The following ATF1 variants were observed in gnomAD, a reference collection of about 807,000 sequenced individuals.
The protein encoded by ATF1 is activating transcription factor 1.
In ATF1, 16 loss-of-function variants were observed where a neutral mutation model predicts 34.7. The ratio of observed to expected loss-of-function variants is 0.46; its 90% confidence interval spans 0.31 to 0.70. ATF1 has a LOEUF of 0.70. Ranked by LOEUF, ATF1 falls within the 30% of genes least tolerant of loss-of-function variation. ATF1 has a pLI of 0.05. For synonymous variants in ATF1, 105 were observed against 113.1 expected (o/e 0.93, Z 0.46); for missense variants, 255 against 321.6 (o/e 0.79, Z 1.58).
At chr12:50,800,989 T>A (rs564603882) in intron 3 of ATF1, among the ~76,000 whole-genome samples, 86 of 152,160 alleles carry the variant, frequency 5.7e-4, no homozygotes, top group African/African-American at 2.0e-3. Flanking sequence ...TAATCCCAGC[T>A]ACTCGGGAGG....
chr12:50,791,081 G>T (rs183246289), intron 2 of ATF1, among the ~76,000 whole-genome samples: 26 of 152,248 alleles, frequency 1.7e-4, no homozygotes, highest in African/African-American at 6.0e-4. Context: ...AAAAGCCATT[G>T]GTCAAGAATT....
At chr12:50,783,886 G>A (rs1264276451) in intron 2 of ATF1, among the ~76,000 whole-genome samples, 1 of 142,100 alleles carries the variant, frequency 7.0e-6, no homozygotes, top group East Asian at 2.0e-4. Context: ...AAAAAAAAAT[G>A]GCTGGCCACG....
chr12:50,787,979 G>A (rs950305033), intron 2 of ATF1, among the ~76,000 whole-genome samples: 1 of 152,152 alleles, frequency 6.6e-6, no homozygotes, highest in Admixed American at 6.6e-5. Flanking sequence ...ATTACTGAGA[G>A]GTAAGTATTG....
At chr12:50,798,767 G>A (rs1167992206) in intron 3 of ATF1, among the ~76,000 whole-genome samples, 3 of 152,100 alleles carry the variant, frequency 2.0e-5, no homozygotes, top group Non-Finnish European at 4.4e-5. Context: ...CATAAACCAC[G>A]TAAGTGAGAA....
intron 1 of ATF1, 87 bp downstream of exon 1, chr12:50,764,394 TCG>T (rs1940571162): frequency 7.1e-6 from 1 of 140,690 alleles, no homozygotes; most frequent in Admixed American, 6.9e-5. Context: ...GCAGCGCGGG[TCG>T]CGCGCCTGGT....
chr12:50,814,264 C>A lies in ATF1; in HGVS notation c.512-16C>A. The A allele has an allele frequency of 2.5e-6, 4 of 1,614,042 alleles. No individual in the cohort carries two copies. The highest frequency in any genetic ancestry group is 3.4e-6 in the Non-Finnish European group (4 of 1,179,936). ...ACACTTACTAACTAACTCATTCACT[C>A]TTGTTTACCATCTAGCTGCATCAGG... On this transcript the variant is annotated splice_polypyrimidine_tract_variant and intron_variant, in intron 5 of 6. Transcript: ENST00000262053.
chr12:50,801,216 C>T (rs1402147439), intron 3 of ATF1, among the ~76,000 whole-genome samples: 1 of 151,960 alleles, frequency 6.6e-6, no homozygotes, highest in Non-Finnish European at 1.5e-5. Flanking sequence ...ATAAACAGTT[C>T]TAATATGGTG....
chr12:50,766,865 G>T (rs1176778667), intron 1 of ATF1, among the ~76,000 whole-genome samples: 2 of 151,958 alleles, frequency 1.3e-5, no homozygotes, highest in Non-Finnish European at 2.9e-5. Context: ...TATTACTCAG[G>T]GCAACCATCT....
At chr12:50,764,765 C>G (rs1109726) in intron 1 of ATF1, 38,891 of 152,316 alleles carry the variant, frequency 0.26, 5,549 homozygotes, top group Non-Finnish European at 0.32. Flanking sequence ...TCGGCGCTGG[C>G]GACCCTGAGG....
At chr12:50,770,475 T>C (rs550431388) in intron 1 of ATF1, among the ~76,000 whole-genome samples, 4 of 152,300 alleles carry the variant, frequency 2.6e-5, no homozygotes, top group South Asian at 2.1e-4. Context: ...ACCCAAGTTA[T>C]AGGTATTTAA....
Position 50,764,195 on chromosome 12 carries a change from A to C in ATF1, c.-119A>C, listed in dbSNP as rs1940564101. 2 of 150,920 alleles carry C rather than the reference A, an allele frequency of 1.3e-5. No individual in the cohort carries two copies. The highest frequency in any genetic ancestry group is 2.1e-4 in the South Asian group (1 of 4,732). 9.3% of individuals were successfully genotyped at this position (150,920 alleles called of 1,614,324 possible). On this transcript the variant is annotated 5_prime_UTR_variant, in exon 1 of 7. Transcript: ENST00000262053. Reference sequence around the variant, plus strand: ...CCGCCCCGCCTGACCCCCGAGAAGGAGGCTTGTCCCCCGCTGCGTGAGGGG... The same window carrying C: ...CCGCCCCGCCTGACCCCCGAGAAGGCGGCTTGTCCCCCGCTGCGTGAGGGG...
chr12:50,818,612 C>G (rs1941888907), intron 6 of ATF1, among the ~76,000 whole-genome samples: 1 of 151,986 alleles, frequency 6.6e-6, no homozygotes, highest in Non-Finnish European at 1.5e-5. Context: ...CTGTTTCTTT[C>G]TTTCTTTCTT....
Position 50,778,467 on chromosome 12 carries a change from C to T in ATF1, c.-6-1673C>T, listed in dbSNP as rs184434500. On this transcript the variant is annotated intron_variant, in intron 1 of 6. Transcript: ENST00000262053. Reference sequence around the variant, plus strand: ...CTCGATCTCTTGACCTCGTGATCCACCCACCTCGGCCTCCCAAAGTGCTGA... The same window carrying T: ...CTCGATCTCTTGACCTCGTGATCCATCCACCTCGGCCTCCCAAAGTGCTGA... Among the ~76,000 whole-genome samples, 1,001 of 151,648 alleles carry T rather than the reference C, an allele frequency of 6.6e-3. 3 individuals are homozygous for T. The highest frequency in any genetic ancestry group is 0.01 in the Non-Finnish European group (709 of 67,884).
At chr12:50,787,048 C>T (rs1474252702) in intron 2 of ATF1, among the ~76,000 whole-genome samples, 3 of 152,186 alleles carry the variant, frequency 2.0e-5, no homozygotes, top group East Asian at 1.9e-4. Flanking sequence ...CAACAAAATC[C>T]AAACCCAGCT....
rs747474459 is a variant in ATF1 at position 50,814,162 on chromosome 12, C to T, written c.481C>T (p.Leu161Phe). Residue 161 changes from leucine (L) to phenylalanine (F), a missense_variant, in exon 5 of 7, where the codon CTT (leucine) becomes TTT (phenylalanine). Physicochemically the swap from Leu to Phe is conservative, Grantham distance 22 (BLOSUM62 0). Around this residue, in one of 2 missense-constraint regions of ATF1, gnomAD observed 221 missense variants for 250.7 expected, o/e 0.88. Transcript: ENST00000262053. ...ACAGACCTCTGATGGACAGCAGATA[C>T]TTGTGCCCAGCAATCAGGTGGTCGT... is the stretch of plus-strand genomic sequence containing the variant. ...YAQTSDGQQI[L>F]VPSNQVVVQT... 1.2e-6 allele frequency: 2 copies of T among 1,614,106 alleles called. No individual in the cohort carries two copies. Among genetic ancestry groups the T allele is most frequent in the Non-Finnish European group, 8.5e-7 (1 of 1,179,958 alleles).
intron 1 of ATF1, among the ~76,000 whole-genome samples, chr12:50,776,577 A>G (rs1291941990): frequency 1.3e-5 from 2 of 151,838 alleles, no homozygotes; most frequent in East Asian, 1.9e-4. Context: ...AACTCATACA[A>G]CTAATGGAGA....
rs1235594042 is a variant in ATF1, at chr12:50,782,438, C to T, written c.93+2200C>T. 2.6e-5 allele frequency among the ~76,000 whole-genome samples: 4 copies of T among 151,086 alleles called. No homozygotes were observed. In the East Asian group the frequency reaches 7.9e-4, roughly 30 times the overall value. Reference sequence around the variant, plus strand: ...GCCCGGCTAATTTTTTGTATTTTTACTAGAGACAGGGTTTCATCGTGTTAG... The same window carrying T: ...GCCCGGCTAATTTTTTGTATTTTTATTAGAGACAGGGTTTCATCGTGTTAG... On this transcript the variant is annotated intron_variant, in intron 2 of 6. Coordinates refer to ENST00000262053, the MANE Select transcript of ATF1 (RefSeq NM_005171.5).
Position 50,814,022 on chromosome 12 carries a change from C to G in ATF1, c.341C>G (p.Pro114Arg), listed in dbSNP as rs375825840. The change falls in exon 5 of 7, where the codon CCA becomes CGA. Residue 114 changes from proline to arginine, a missense_variant. Pro to Arg is a moderately radical substitution (Grantham distance 103). Coordinates refer to ENST00000262053, the MANE Select transcript of ATF1 (RefSeq NM_005171.5). ...TTTTTGATTAAAGTTGCCATTGCCC[C>G]AAATGGAGCCTTACAGTTGGCAAGT... ...TSSGQYIAIA[P>R]NGALQLASPG... 2.5e-6 allele frequency: 4 copies of G among 1,611,984 alleles called. No individual in the cohort carries two copies. The African/African-American group carries it at 5.3e-5, about 22-fold the overall frequency.
rs540920703 is a variant in ATF1 at position 50,806,084 on chromosome 12, G to A, written c.195-3372G>A. On this transcript the variant is annotated intron_variant, in intron 3 of 6. Coordinates refer to ENST00000262053, the MANE Select transcript of ATF1 (RefSeq NM_005171.5). ...GAGAATTGCTCGAACCTGGGAGGCAGAGGTTGCATTGAGCCGAGATTGCAC... is the reference window on the plus strand; with the variant it reads ...GAGAATTGCTCGAACCTGGGAGGCAAAGGTTGCATTGAGCCGAGATTGCAC... Among the ~76,000 whole-genome samples the A allele has an allele frequency of 2.6e-5, 4 of 151,832 alleles. No homozygotes were observed. In the South Asian group the frequency reaches 8.3e-4, roughly 32 times the overall value.
Sources: gnomAD v4.1 joint callset for allele counts (sites outside exome capture counted in the v4.1 genomes callset) on GRCh38, gnomAD v4.1.1 for gene constraint, gnomAD v4.1.1 regional missense constraint, MANE v1.5 for transcripts, NCBI Gene and HGNC (gene_info 2026-07-23, HGNC 2026-07-21) for gene names.